CTNNA1: variants seen among roughly 807,000 people sequenced by gnomAD.
The protein encoded by CTNNA1 is catenin alpha-1.
Under a neutral mutation model 98.4 loss-of-function variants are expected in CTNNA1, and 37 were observed. The observed-to-expected ratio is 0.38, with a 90% CI of 0.29 to 0.49. The LOEUF (loss-of-function observed/expected upper bound fraction) is 0.49, where lower values mean the gene tolerates loss of function less well. Ranked by LOEUF, CTNNA1 falls within the 20% of genes least tolerant of loss-of-function variation. CTNNA1 has a pLI of 0.95. For synonymous variants in CTNNA1, 404 were observed against 413.2 expected, an observed-to-expected ratio of 0.98 and a Z score of 0.27; for missense variants, 761 against 1,147.2, an observed-to-expected ratio of 0.66 and a Z score of 4.86.
chr5:138,873,936 C>T lies in CTNNA1; in HGVS notation c.1063-12276C>T. 1 of 1,613,982 alleles carries T rather than the reference C, an allele frequency of 6.2e-7. No individual in the cohort carries two copies. The highest frequency in any genetic ancestry group is 8.5e-7 in the Non-Finnish European group (1 of 1,179,898). The stretch of plus-strand genomic sequence containing the variant: ...AGCTGGTTGTGCTCTAGGTGAAGCT[C>T]TCTCAGTTTAATTAATCCTGCAAAT... On this transcript the variant is annotated intron_variant, in intron 7 of 17. Transcript: ENST00000302763. This position sits in a 1 kb window ranked among gnomAD's most constrained non-coding sequence, Gnocchi z 6.1.
At chr5:138,850,169 A>G (rs373304184) in intron 7 of CTNNA1, among the ~76,000 whole-genome samples, 1 of 152,218 alleles carries the variant, frequency 6.6e-6, no homozygotes. Context: ...TCTTATGGCT[A>G]CCCAGTCTGA....
intron 7 of CTNNA1, among the ~76,000 whole-genome samples, chr5:138,864,962 C>T (rs1367399994): frequency 1.3e-5 from 2 of 151,886 alleles, no homozygotes. Context: ...TACAGGTGCT[C>T]GCCACCACAC....
chr5:138,887,594 T>G lies in CTNNA1; in HGVS notation c.1248T>G (p.Val416=), dbSNP rs762517205. Residue 416 remains valine (V), a synonymous_variant, in exon 9 of 18, where the codon GTT becomes GTG. Coordinates refer to ENST00000302763, the MANE Select transcript of CTNNA1 (RefSeq NM_001903.5). ...CAAAGAATGGAAATGAGAAAGAAGT[T>G]AAGGAGTATGCCCAAGTTTTCCGTG... ...EAAKNGNEKE[V]KEYAQVFREH... The G allele has an allele frequency of 8.1e-6, 13 of 1,611,930 alleles. No individual in the cohort carries two copies. In the South Asian group the frequency reaches 8.8e-5, roughly 11 times the overall value.
intron 13 of CTNNA1, among the ~76,000 whole-genome samples, chr5:138,926,167 G>A (rs954055927): frequency 3.9e-5 from 6 of 152,062 alleles, no homozygotes; most frequent in Non-Finnish European, 7.4e-5. Context: ...TTCAGGTTGC[G>A]CCCTCGAGTC....
In CTNNA1 at chr5:138,932,628, C is replaced by T. The variant is rs766188211; in HGVS notation, c.2349C>T (p.Ile783=). 8.1e-6 allele frequency: 13 copies of T among 1,614,066 alleles called. No homozygotes were observed. The highest frequency in any genetic ancestry group is 1.3e-5 in the African/African-American group (1 of 74,930). The change falls in exon 17 of 18, where the codon ATC becomes ATT. Residue 783 remains isoleucine, a synonymous_variant. Coordinates refer to ENST00000302763, the MANE Select transcript of CTNNA1 (RefSeq NM_001903.5). Reference sequence around the variant, plus strand: ...ACCTGCTGGCCTACCTGCAACGCATCGCCCTCTACTGCCACCAGCTGAACA... The same window carrying T: ...ACCTGCTGGCCTACCTGCAACGCATTGCCCTCTACTGCCACCAGCTGAACA... ...KQDLLAYLQR[I]ALYCHQLNIC...
chr5:138,857,536 C>T (rs945605778), intron 7 of CTNNA1, among the ~76,000 whole-genome samples: 7 of 152,108 alleles, frequency 4.6e-5, no homozygotes, highest in African/African-American at 1.7e-4. Context: ...AGGGTGGTCT[C>T]CAACTCCTGG....
chr5:138,824,526 GT>G lies in CTNNA1; in HGVS notation c.589-3del. ...CCAATTTCTTGTTTTATTTACTCTT[GT>G]AGGAATTGAAAGATGTTGGCCATCG... On this transcript the variant is annotated splice_region_variant and splice_polypyrimidine_tract_variant and intron_variant, in intron 5 of 17. Transcript: ENST00000302763. 1 of 1,612,494 alleles carries G rather than the reference GT, an allele frequency of 6.2e-7. No homozygotes were observed. The highest frequency in any genetic ancestry group is 8.5e-7 in the Non-Finnish European group (1 of 1,178,668).
intron 9 of CTNNA1, among the ~76,000 whole-genome samples, chr5:138,892,975 C>T (rs988808810): frequency 5.3e-5 from 8 of 152,122 alleles, no homozygotes; most frequent in South Asian, 2.1e-4. Flanking sequence ...GAGATCGCGC[C>T]GCTGCTCTCT....
At chr5:138,829,447 T>C (rs1175591380) in intron 7 of CTNNA1, among the ~76,000 whole-genome samples, 1 of 152,096 alleles carries the variant, frequency 6.6e-6, no homozygotes, top group Non-Finnish European at 1.5e-5. Flanking sequence ...CAGACTTTGG[T>C]GGGAAGGAGG....
intron 9 of CTNNA1, among the ~76,000 whole-genome samples, chr5:138,900,006 A>G (rs912380998): frequency 1.3e-5 from 2 of 152,196 alleles, no homozygotes; most frequent in South Asian, 2.1e-4. Context: ...AAGATCACCA[A>G]CACCTTTCCC....
chr5:138,894,754 C>A (rs1417601610), intron 9 of CTNNA1, among the ~76,000 whole-genome samples: 2 of 152,124 alleles, frequency 1.3e-5, no homozygotes, highest in South Asian at 2.1e-4. Flanking sequence ...GAATAATATT[C>A]AAAAATCCAG....
At chr5:138,829,596 A>G (rs1761061394) in intron 7 of CTNNA1, among the ~76,000 whole-genome samples, 2 of 152,240 alleles carry the variant, frequency 1.3e-5, no homozygotes, top group South Asian at 4.1e-4. Flanking sequence ...CGAAACCTAG[A>G]GTGCCATACA....
intron 1 of CTNNA1, among the ~76,000 whole-genome samples, chr5:138,776,822 C>G: frequency 7.3e-6 from 1 of 136,064 alleles, no homozygotes; most frequent in African/African-American, 2.9e-5. Flanking sequence ...ACCTCCCTCC[C>G]GGACGGGGCG....
intron 10 of CTNNA1, among the ~76,000 whole-genome samples, chr5:138,914,187 C>T (rs1156830067): frequency 6.6e-6 from 1 of 152,166 alleles, no homozygotes; most frequent in Non-Finnish European, 1.5e-5. Context: ...GCATTTTTCC[C>T]TTTGTAGTGA....
intron 7 of CTNNA1, among the ~76,000 whole-genome samples, chr5:138,834,193 T>A (rs1310075732): frequency 6.6e-6 from 1 of 152,200 alleles, no homozygotes; most frequent in East Asian, 1.9e-4. Context: ...CTGAAGAGCT[T>A]GTTACTGCAT....
intron 1 of CTNNA1, among the ~76,000 whole-genome samples, chr5:138,758,501 G>A (rs529805204): frequency 8.5e-4 from 129 of 151,906 alleles, no homozygotes; most frequent in African/African-American, 2.0e-3. Context: ...CCTCAGCCTC[G>A]CAAATAGCTG....
At position 138,926,277 on chromosome 5, in the gene CTNNA1, T is replaced by G. The variant is rs929016948; in HGVS notation, c.1899+870T>G. ...CCCTTGTGTCCTTGGTTCAGTCCTT[T>G]GTTAGCTTTGAGTCCATAGTTGAAT... On this transcript the variant is annotated intron_variant, in intron 13 of 17. Transcript: ENST00000302763. Among the ~76,000 whole-genome samples, 5 of 152,190 alleles carry G rather than the reference T, an allele frequency of 3.3e-5. No homozygotes were observed. The East Asian group carries it at 9.6e-4, about 29-fold the overall frequency.
intron 10 of CTNNA1, among the ~76,000 whole-genome samples, chr5:138,907,688 T>C (rs1398527798): frequency 6.6e-6 from 1 of 152,212 alleles, no homozygotes. Flanking sequence ...GGAGCTTAAT[T>C]TGGTGTTTTA....
At chr5:138,821,935 C>T (rs886747020) in intron 5 of CTNNA1, among the ~76,000 whole-genome samples, 3 of 152,150 alleles carry the variant, frequency 2.0e-5, no homozygotes, top group African/African-American at 7.2e-5. Context: ...GTAAATAGTG[C>T]TGTACTGTGA....
Sources: allele counts gnomAD v4.1 joint callset (sites outside exome capture counted in the v4.1 genomes callset), GRCh38; gene constraint gnomAD v4.1.1; non-coding constraint Gnocchi (gnomAD v3.1); transcripts MANE v1.5; gene names NCBI Gene and HGNC (gene_info 2026-07-23, HGNC 2026-07-21).